FAM149A: variants seen among roughly 807,000 people sequenced by gnomAD.
FAM149A encodes family with sequence similarity 149 member A, also known as protein FAM149A.
Under a neutral mutation model 78.2 loss-of-function variants are expected in FAM149A, and 71 were observed. The ratio of observed to expected loss-of-function variants is 0.91; its 90% CI spans 0.75 to 1.11. The LOEUF is 1.11. Ranked by LOEUF, FAM149A falls within the 50% of genes least tolerant of loss-of-function variation. The pLI is 0.00. For synonymous variants in FAM149A, 446 were observed against 410.5 expected (o/e 1.09, Z -1.04); for missense variants, 1,036 against 971.0 (o/e 1.07, Z -0.89).
chr4:186,165,371 C>A lies in FAM149A; in HGVS notation c.1917C>A (p.Ser639=), dbSNP rs143165577. 370 of 1,614,072 alleles carry A rather than the reference C, an allele frequency of 2.3e-4. 1 individual carries two copies. Among genetic ancestry groups the A allele is most frequent in the Non-Finnish European group, 3.0e-4 (358 of 1,180,046 alleles). The change falls in exon 11 of 14, where the codon TCC becomes TCA. Residue 639 remains serine (S), a synonymous_variant. Transcript: ENST00000389354. ...CGACTGGCGTGGACCACATGGCTTC[C>A]CCACTGGTTCAAACGTCACGGAGCA...
At chr4:186,170,789 A>C (rs114742882) in intron 13 of FAM149A, 1,786 of 152,356 alleles carry the variant, frequency 0.012, 14 homozygotes, top group Non-Finnish European at 0.018. Flanking sequence ...GTCACATTTT[A>C]AACACTGAAC....
intron 13 of FAM149A, among the ~76,000 whole-genome samples, chr4:186,168,285 C>T (rs1236103974): frequency 1.3e-5 from 2 of 152,166 alleles, no homozygotes; most frequent in Admixed American, 6.5e-5. Flanking sequence ...GCAGCATTAG[C>T]GGTCATTCAC....
rs778364089 is a variant in FAM149A, at chr4:186,171,960, C to A, written c.2265C>A (p.Phe755Leu). The stretch of plus-strand genomic sequence containing the variant: ...CTTTTCAGAGGACAACTTTGACTTT[C>A]AAGAGGAGATTCCAAGTGACATCTT... Residue 755 changes from phenylalanine to leucine, a missense_variant, in exon 14 of 14, where the codon TTC becomes TTA. By Grantham distance (22) the Phe-to-Leu change is conservative. Coordinates refer to ENST00000389354, the MANE Select transcript of FAM149A (RefSeq NM_001367768.3). 6.2e-7 allele frequency: 1 copy of A among 1,612,736 alleles called. No homozygotes were observed. Among genetic ancestry groups the A allele is most frequent in the East Asian group, 2.2e-5 (1 of 44,804 alleles).
intron 13 of FAM149A, among the ~76,000 whole-genome samples, chr4:186,168,645 T>G (rs1735261458): frequency 6.6e-6 from 1 of 152,216 alleles, no homozygotes; most frequent in Non-Finnish European, 1.5e-5. Flanking sequence ...CATGAGCCAC[T>G]GCGCCCAGCC....
rs1355561294 is a variant in FAM149A at position 186,105,031 on chromosome 4, C to G, written c.-46C>G. The G allele has an allele frequency of 1.6e-6, 2 of 1,261,128 alleles. No homozygotes were observed. Among genetic ancestry groups the G allele is most frequent in the Non-Finnish European group, 2.0e-6 (2 of 976,882 alleles). 78.1% of individuals were successfully genotyped at this position (1,261,128 alleles called of 1,614,324 possible). The stretch of plus-strand genomic sequence containing the variant: ...GCCGCCTCGGCCGGATCTCCGCGGT[C>G]TGAACTCTCGGGCGGCGGCGAGGAC... On this transcript the variant is annotated 5_prime_UTR_variant, in exon 1 of 14. Coordinates refer to ENST00000389354, the MANE Select transcript of FAM149A (RefSeq NM_001367768.3).
chr4:186,124,132 A>T (rs555007912), intron 1 of FAM149A: 1 of 985,228 alleles, frequency 1.0e-6, no homozygotes, highest in African/African-American at 1.7e-5. Context: ...TTACGATAAG[A>T]TACCAAGATA....
intron 1 of FAM149A, among the ~76,000 whole-genome samples, chr4:186,118,501 TTA>T (rs2099314663): frequency 6.6e-6 from 1 of 152,220 alleles, no homozygotes; most frequent in Non-Finnish European, 1.5e-5. Flanking sequence ...TTGATTTTTA[TTA>T]TGTTTTAAAA....
At chr4:186,158,358 C>A in intron 8 of FAM149A, 1 of 1,198,788 alleles carries the variant, frequency 8.3e-7, no homozygotes, top group Non-Finnish European at 1.1e-6. Context: ...GTGTGGAAGT[C>A]GCCATCCCGT....
rs1466871209 is a variant in FAM149A, at chr4:186,164,359, G to T, written c.1889+726G>T. ...ATCCCCGCCAGGAAGAGGCCCAGCC[G>T]GACACACCCACAAGTGCTCTCAGGC... is the stretch of plus-strand genomic sequence containing the variant. On this transcript the variant is annotated intron_variant, in intron 10 of 13. Transcript: ENST00000389354. This position sits in a 1 kb window ranked among gnomAD's most constrained non-coding sequence, Gnocchi z 4.0. The T allele has an allele frequency of 1.9e-6, 1 of 517,876 alleles. No homozygotes were observed. The highest frequency in any genetic ancestry group is 2.5e-6 in the Non-Finnish European group (1 of 402,918). 32.1% of individuals were successfully genotyped at this position (517,876 alleles called of 1,614,324 possible).
chr4:186,129,993 A>G (rs2099319899), intron 1 of FAM149A: 1 of 152,136 alleles, frequency 6.6e-6, no homozygotes, highest in African/African-American at 2.4e-5. Flanking sequence ...ATAGGCACCA[A>G]TAACATCGTT....
At position 186,105,498 on chromosome 4, in the gene FAM149A, C is replaced by G; in HGVS notation, c.422C>G (p.Pro141Arg). Residue 141 changes from proline to arginine, a missense_variant, in exon 1 of 14, where the codon CCC (proline) becomes CGC (arginine). This residue lies in a region of FAM149A where 316 missense variants were observed against 241.9 expected (regional missense o/e 1.31). Coordinates refer to ENST00000389354, the MANE Select transcript of FAM149A (RefSeq NM_001367768.3). ...CCCGGCGGGGTCTGGGCCGCGCTCC[C>G]CAGGAACCCGCTCCAGCCTGGCCCC... 1 of 1,187,992 alleles carries G rather than the reference C, an allele frequency of 8.4e-7. No homozygotes were observed. Among genetic ancestry groups the G allele is most frequent in the Non-Finnish European group, 1.1e-6 (1 of 947,466 alleles). 73.6% of individuals were successfully genotyped at this position (1,187,992 alleles called of 1,614,324 possible).
At chr4:186,105,875 G>C (rs1244306230) in intron 1 of FAM149A, among the ~76,000 whole-genome samples, 1 of 152,228 alleles carries the variant, frequency 6.6e-6, no homozygotes, top group Non-Finnish European at 1.5e-5. Context: ...TGAATCCTAA[G>C]GGGCCTTGAA....
rs1307683915 is a variant in FAM149A at position 186,164,291 on chromosome 4, C to T, written c.1889+658C>T. ...TTTATATTGTTGGGACTCATACTATCCCAAATCTGAGATGAGGGAACAGGC... is the reference window on the plus strand; with the variant it reads ...TTTATATTGTTGGGACTCATACTATTCCAAATCTGAGATGAGGGAACAGGC... On this transcript the variant is annotated intron_variant, in intron 10 of 13. Coordinates refer to ENST00000389354, the MANE Select transcript of FAM149A (RefSeq NM_001367768.3). The surrounding 1 kb of genome is among the most constrained non-coding windows in gnomAD (Gnocchi z 4.0). 6.3e-6 allele frequency: 1 copy of T among 159,844 alleles called. No individual in the cohort carries two copies. Among genetic ancestry groups the T allele is most frequent in the African/African-American group, 2.4e-5 (1 of 41,592 alleles). 9.9% of individuals were successfully genotyped at this position (159,844 alleles called of 1,614,324 possible). A position where few individuals can be genotyped will look rare whatever the true frequency, so the allele number is the denominator to read the frequency against.
intron 13 of FAM149A, among the ~76,000 whole-genome samples, chr4:186,170,345 A>G (rs1244193810): frequency 2.0e-5 from 3 of 152,206 alleles, no homozygotes; most frequent in Non-Finnish European, 4.4e-5. Context: ...CACCTCACTT[A>G]AGGACTCCTG....
intron 1 of FAM149A, among the ~76,000 whole-genome samples, chr4:186,111,408 C>T (rs1561383239): frequency 6.6e-6 from 1 of 151,870 alleles, no homozygotes; most frequent in Non-Finnish European, 1.5e-5. Flanking sequence ...AATTAGATCC[C>T]TTTTGTCAAT....
At chr4:186,139,132 G>A (rs1227784029) in intron 1 of FAM149A, among the ~76,000 whole-genome samples, 2 of 152,062 alleles carry the variant, frequency 1.3e-5, no homozygotes, top group South Asian at 4.2e-4. Flanking sequence ...TAGCCATTTG[G>A]GGCTCTTTCA....
intron 1 of FAM149A, among the ~76,000 whole-genome samples, chr4:186,135,367 A>G (rs1487337398): frequency 6.6e-6 from 1 of 152,208 alleles, no homozygotes; most frequent in Non-Finnish European, 1.5e-5. Flanking sequence ...GTAATGTCAT[A>G]TACATATGAG....
intron 1 of FAM149A, among the ~76,000 whole-genome samples, chr4:186,131,624 A>C (rs1212482303): frequency 6.6e-6 from 1 of 152,218 alleles, no homozygotes; most frequent in African/African-American, 2.4e-5. Flanking sequence ...TGCGGAACCA[A>C]CTGTATATCC....
intron 1 of FAM149A, among the ~76,000 whole-genome samples, chr4:186,140,094 A>G (rs952341378): frequency 6.6e-6 from 1 of 152,230 alleles, no homozygotes; most frequent in Non-Finnish European, 1.5e-5. Flanking sequence ...TCTACAAGGA[A>G]GACAGTAATA....
Sources: gnomAD v4.1 joint callset for allele counts (sites outside exome capture counted in the v4.1 genomes callset) on GRCh38, gnomAD v4.1.1 for gene constraint, gnomAD v4.1.1 regional missense constraint, Gnocchi (gnomAD v3.1) non-coding constraint, MANE v1.5 for transcripts, NCBI Gene and HGNC (gene_info 2026-07-23, HGNC 2026-07-21) for gene names.